RNF19B: variants seen among roughly 807,000 people sequenced by gnomAD.
RNF19B encodes the protein ring finger protein 19B, also known as E3 ubiquitin-protein ligase RNF19B.
A neutral mutation model predicts 65.5 loss-of-function variants in RNF19B; 23 were observed. The ratio of observed to expected loss-of-function variants is 0.35; its 90% CI spans 0.25 to 0.50. The LOEUF is 0.50. Ranked by LOEUF, RNF19B falls within the 20% of genes least tolerant of loss-of-function variation. RNF19B has a pLI of 0.98. For missense variants in RNF19B, 794 were observed against 980.0 expected (o/e 0.81, Z 2.53); for synonymous variants, 372 against 379.6 (o/e 0.98, Z 0.23).
At chr1:32,956,882 G>A (rs1456712631) in intron 1 of RNF19B, among the ~76,000 whole-genome samples, 1 of 152,102 alleles carries the variant, frequency 6.6e-6, no homozygotes, top group Non-Finnish European at 1.5e-5. Flanking sequence ...TAGACCCCTA[G>A]TAGGCATCAG....
chr1:32,959,318 C>G (rs1288312347), intron 1 of RNF19B, among the ~76,000 whole-genome samples: 4 of 152,080 alleles, frequency 2.6e-5, no homozygotes. Flanking sequence ...AAGATCTGCC[C>G]CTGTACACCA....
intron 1 of RNF19B, among the ~76,000 whole-genome samples, chr1:32,961,001 G>A (rs1199721500): frequency 7.1e-6 from 1 of 141,330 alleles, no homozygotes; most frequent in Admixed American, 7.4e-5. Context: ...GGGTGACAGA[G>A]CGAGACGCTG....
chr1:32,934,484 C>T (rs1300412624), downstream of RNF19B, among the ~76,000 whole-genome samples: 2 of 152,042 alleles, frequency 1.3e-5, no homozygotes, highest in Non-Finnish European at 2.9e-5. Context: ...AGTTCTAGAC[C>T]AGCCTGGCCA....
chr1:32,931,824 C>T (rs1173858565), downstream of RNF19B, among the ~76,000 whole-genome samples: 2 of 152,192 alleles, frequency 1.3e-5, no homozygotes, highest in East Asian at 3.9e-4. Context: ...ATCATGGCAG[C>T]CCTTTGAGGT....
intron 1 of RNF19B, among the ~76,000 whole-genome samples, 191 bp downstream of exon 1, chr1:32,963,860 C>T (rs1201376357): frequency 1.3e-5 from 2 of 152,270 alleles, no homozygotes; most frequent in African/African-American, 2.4e-5. Flanking sequence ...CCACCTCGAG[C>T]CCTGGGGCAG....
chr1:32,941,663 G>T (rs1255715568), intron 7 of RNF19B, among the ~76,000 whole-genome samples: 1 of 152,208 alleles, frequency 6.6e-6, no homozygotes, highest in Non-Finnish European at 1.5e-5. Flanking sequence ...TCCTGAAGCA[G>T]GCAGCCTCAG....
downstream of RNF19B, among the ~76,000 whole-genome samples, chr1:32,936,165 T>G (rs1642094539): frequency 6.6e-6 from 1 of 152,222 alleles, no homozygotes; most frequent in Non-Finnish European, 1.5e-5. Context: ...AATTGCACAG[T>G]TGCTTCTAGA....
downstream of RNF19B, among the ~76,000 whole-genome samples, chr1:32,932,988 C>T (rs2124092485): frequency 6.6e-6 from 1 of 152,276 alleles, no homozygotes; most frequent in East Asian, 1.9e-4. Flanking sequence ...TAAAATGGAA[C>T]CTTATCAAGG....
intron 1 of RNF19B, among the ~76,000 whole-genome samples, chr1:32,950,217 C>G (rs536111942): frequency 6.6e-6 from 1 of 152,176 alleles, no homozygotes; most frequent in Non-Finnish European, 1.5e-5. Context: ...AGGTGATCCA[C>G]CCGCCTCGGC....
intron 3 of RNF19B, 35 bp from the exon 4 acceptor site, chr1:32,946,599 T>C (rs1642372057): frequency 1.3e-6 from 2 of 1,593,438 alleles, no homozygotes; most frequent in Non-Finnish European, 1.7e-6. Flanking sequence ...AATGTCAACA[T>C]TACAAATACA....
Position 32,964,372 on chromosome 1 carries a change from T to A in RNF19B, c.314A>T (p.Glu105Val). 1 of 1,394,710 alleles carries A rather than the reference T, an allele frequency of 7.2e-7. No individual in the cohort carries two copies. The highest frequency in any genetic ancestry group is 1.5e-5 in the South Asian group (1 of 65,022). The allele number at this position is 1,394,710 out of a possible 1,614,324, so 86.4% of individuals were successfully genotyped here. A position where few individuals can be genotyped will look rare whatever the true frequency, so the allele number is the denominator to read the frequency against. The change falls in exon 1 of 9, where the codon GAG becomes GTG. Residue 105 changes from glutamate to valine, a missense_variant. By Grantham distance (121) the Glu-to-Val change is moderately radical. Coordinates refer to ENST00000235150, the MANE Select transcript of RNF19B (RefSeq NM_001300826.2). This position sits in a 1 kb window ranked among gnomAD's most constrained non-coding sequence, Gnocchi z 6.5. ...AAAEPGFDDE[E>V]AAEGGGPGAE... Reference sequence around the variant, plus strand: ...GCCCGGGCCACCGCCCTCCGCCGCCTCCTCATCGTCGAACCCAGGCTCCGC... The same window carrying A: ...GCCCGGGCCACCGCCCTCCGCCGCCACCTCATCGTCGAACCCAGGCTCCGC...
At chr1:32,956,553 G>C (rs1053284002) in intron 1 of RNF19B, among the ~76,000 whole-genome samples, 3 of 152,114 alleles carry the variant, frequency 2.0e-5, no homozygotes, top group Non-Finnish European at 4.4e-5. Context: ...GGGCAACAGA[G>C]TTACAGAGTT....
chr1:32,962,336 T>C (rs1642789616), intron 1 of RNF19B, among the ~76,000 whole-genome samples: 1 of 152,122 alleles, frequency 6.6e-6, no homozygotes, highest in Admixed American at 6.6e-5. Flanking sequence ...TTAATATAAA[T>C]TAACCTCAGA....
chr1:32,947,656 C>T (rs1272376474), intron 3 of RNF19B, among the ~76,000 whole-genome samples: 1 of 135,538 alleles, frequency 7.4e-6, no homozygotes, highest in Non-Finnish European at 1.6e-5. Flanking sequence ...GAAACTCTGT[C>T]TTAAAAAAAA....
intron 3 of RNF19B, among the ~76,000 whole-genome samples, 180 bp from the exon 4 acceptor site, chr1:32,946,744 CTT>C (rs1195150328): frequency 6.6e-6 from 1 of 152,234 alleles, no homozygotes; most frequent in African/African-American, 2.4e-5. Flanking sequence ...GCTCTGGGCT[CTT>C]TAACTTTTTT....
At chr1:32,935,278 C>G (rs1034358966), downstream of RNF19B, among the ~76,000 whole-genome samples, 2 of 152,100 alleles carry the variant, frequency 1.3e-5, no homozygotes, top group African/African-American at 2.4e-5. Flanking sequence ...GCTGGAATTA[C>G]AGACACATGC....
chr1:32,944,299 G>GT, intron 5 of RNF19B, 140 bp from the exon 6 acceptor site: 1 of 840,396 alleles, frequency 1.2e-6, no homozygotes, highest in South Asian at 1.8e-5. Context: ...GTGGCCTGGT[G>GT]TAACAGAATG....
downstream of RNF19B, among the ~76,000 whole-genome samples, chr1:32,935,772 T>G (rs552790830): frequency 3.3e-5 from 5 of 152,176 alleles, no homozygotes; most frequent in Non-Finnish European, 7.4e-5. Flanking sequence ...CTTTTTTTTT[T>G]GAGACAGGGT....
intron 1 of RNF19B, among the ~76,000 whole-genome samples, chr1:32,962,204 GGT>G (rs1642786587): frequency 6.6e-6 from 1 of 152,182 alleles, no homozygotes. Context: ...CCCGACCTCA[GGT>G]GATCCACCCA....
Sources: allele counts gnomAD v4.1 joint callset (sites outside exome capture counted in the v4.1 genomes callset), GRCh38; gene constraint gnomAD v4.1.1; non-coding constraint Gnocchi (gnomAD v3.1); transcripts MANE v1.5; gene names NCBI Gene and HGNC (gene_info 2026-07-23, HGNC 2026-07-21).